SH3BGRL: variants seen among roughly 807,000 people sequenced by gnomAD.
SH3BGRL encodes the protein SH3 domain binding glutamate rich protein like, also known as adapter SH3BGRL.
In SH3BGRL, 7 loss-of-function variants were observed where a neutral mutation model predicts 9.8. That is an observed-to-expected ratio of 0.72 (90% CI 0.41 to 1.35). The LOEUF (loss-of-function observed/expected upper bound fraction) is 1.35. Among genes scored for constraint, SH3BGRL ranks in the 40% most tolerant of loss-of-function variants. SH3BGRL has a pLI of 0.01. For missense variants in SH3BGRL, 73 were observed against 84.4 expected, an observed-to-expected ratio of 0.86 and a Z score of 0.53; for synonymous variants, 36 against 29.1, an observed-to-expected ratio of 1.24 and a Z score of -0.76.
chrX:81,243,276 A>G (rs765347404), intron 1 of SH3BGRL, among the ~76,000 whole-genome samples: 2 of 112,474 alleles, frequency 1.8e-5, no homozygotes, highest in East Asian at 5.6e-4. Flanking sequence ...AGTGAAATAA[A>G]TCAGGCGCAA....
intron 3 of SH3BGRL, among the ~76,000 whole-genome samples, chrX:81,285,288 A>G (rs1451710269): frequency 1.8e-5 from 2 of 111,927 alleles, no homozygotes; most frequent in Non-Finnish European, 3.8e-5. Context: ...AAAATGAGAT[A>G]AAATGTTTAG....
At chrX:81,284,746 G>C (rs747533930) in intron 3 of SH3BGRL, among the ~76,000 whole-genome samples, 29 of 110,889 alleles carry the variant, frequency 2.6e-4, no homozygotes, top group Admixed American at 7.7e-4. Context: ...TCCCTGAGGA[G>C]AATTGAACAG....
At chrX:81,286,932 ATTTACTG>A in intron 3 of SH3BGRL, among the ~76,000 whole-genome samples, 1 of 111,496 alleles carries the variant, frequency 9.0e-6, no homozygotes, top group East Asian at 2.8e-4. Flanking sequence ...AAGGTAAATA[ATTTACTG>A]TAACTTTGAT....
At chrX:81,246,530 G>A (rs1448034464) in intron 1 of SH3BGRL, among the ~76,000 whole-genome samples, 1 of 111,842 alleles carries the variant, frequency 8.9e-6, no homozygotes, top group Non-Finnish European at 1.9e-5. Context: ...CATATGGGTA[G>A]CCAGTTATCC....
At chrX:81,261,754 C>T (rs1011660894) in intron 1 of SH3BGRL, among the ~76,000 whole-genome samples, 12 of 111,060 alleles carry the variant, frequency 1.1e-4, no homozygotes, top group East Asian at 2.8e-4. Context: ...TGTGTGCAAA[C>T]GGTAACTATG....
chrX:81,287,708 G>A lies in SH3BGRL; in HGVS notation c.312+9297G>A, dbSNP rs143671017. Among the ~76,000 whole-genome samples the A allele has an allele frequency of 7.3e-3, 807 of 110,099 alleles. 5 individuals carry two copies. The highest frequency in any genetic ancestry group is 0.021 in the African/African-American group (636 of 30,268). ...AGGAGAAATACTTAATATAGGTGACGGGTTGACGGGTGCAGCAGACCACCA... is the reference window on the plus strand; with the variant it reads ...AGGAGAAATACTTAATATAGGTGACAGGTTGACGGGTGCAGCAGACCACCA... On this transcript the variant is annotated intron_variant, in intron 3 of 3. Transcript: ENST00000373212.
At chrX:81,261,314 A>G (rs748002773) in intron 1 of SH3BGRL, among the ~76,000 whole-genome samples, 16 of 111,632 alleles carry the variant, frequency 1.4e-4, no homozygotes, top group African/African-American at 1.9e-4. Flanking sequence ...ATAACTATTC[A>G]ATGAAATAAT....
intron 1 of SH3BGRL, among the ~76,000 whole-genome samples, chrX:81,222,347 G>A (rs1282731660): frequency 5.7e-5 from 4 of 70,187 alleles, no homozygotes; most frequent in Non-Finnish European, 7.5e-5. Context: ...AACAGGCCCC[G>A]GTGTGTGATG....
At chrX:81,281,590 G>A (rs1221141345) in intron 3 of SH3BGRL, among the ~76,000 whole-genome samples, 1 of 112,173 alleles carries the variant, frequency 8.9e-6, no homozygotes, top group Non-Finnish European at 1.9e-5. Context: ...ATGAAGGAAA[G>A]ATTCAGCTCT....
intron 3 of SH3BGRL, among the ~76,000 whole-genome samples, chrX:81,286,720 C>T (rs1313357757): frequency 1.8e-5 from 2 of 109,826 alleles, no homozygotes; most frequent in Non-Finnish European, 3.8e-5. Flanking sequence ...AAATTTTAGC[C>T]CAGGATTATC....
intron 1 of SH3BGRL, among the ~76,000 whole-genome samples, chrX:81,205,504 G>GTA (rs34834268): frequency 0.15 from 12,613 of 84,829 alleles, 777 homozygotes; most frequent in East Asian, 0.2. Context: ...GTGTGTGTGT[G>GTA]TATATATATA....
At chrX:81,257,017 C>T (rs1200894407) in intron 1 of SH3BGRL, among the ~76,000 whole-genome samples, 1 of 111,169 alleles carries the variant, frequency 9.0e-6, no homozygotes, top group Admixed American at 9.6e-5. Flanking sequence ...AGCTACCAAT[C>T]CTTGAGTACT....
Position 81,202,235 on chromosome X carries a change from G to A in SH3BGRL, c.35G>A (p.Gly12Asp). 1 of 1,206,758 alleles carries A rather than the reference G, an allele frequency of 8.3e-7. No homozygotes were observed. The highest frequency in any genetic ancestry group is 1.1e-6 in the Non-Finnish European group (1 of 892,767). Residue 12 changes from glycine to aspartate, a missense_variant, in exon 1 of 4, where the codon GGC (glycine) becomes GAC (aspartate). Transcript: ENST00000373212. ...CGTGTATATATTGCATCTTCCTCTGGCTCTACAGCGGTAAGGAGAGTGGGG... is the reference window on the plus strand; with the variant it reads ...CGTGTATATATTGCATCTTCCTCTGACTCTACAGCGGTAAGGAGAGTGGGG... ...VIRVYIASSS[G>D]STAIKKKQQD...
chrX:81,294,195 A>G (rs1208982472), intron 3 of SH3BGRL, among the ~76,000 whole-genome samples: 2 of 111,708 alleles, frequency 1.8e-5, no homozygotes, highest in Non-Finnish European at 3.8e-5. Flanking sequence ...ATGAGGAGCC[A>G]ATTATTAATC....
At chrX:81,278,651 G>A (rs192304836) in intron 3 of SH3BGRL, among the ~76,000 whole-genome samples, 1 of 111,723 alleles carries the variant, frequency 9.0e-6, no homozygotes, top group African/African-American at 3.3e-5. Flanking sequence ...GCTGCCCATG[G>A]GAGCAAATTT....
intron 1 of SH3BGRL, among the ~76,000 whole-genome samples, chrX:81,226,752 G>A (rs1806882864): frequency 9.1e-6 from 1 of 109,349 alleles, no homozygotes. Context: ...AGGTTGGAGT[G>A]ATGTGAGGAA....
At chrX:81,241,988 G>A (rs1366525689) in intron 1 of SH3BGRL, among the ~76,000 whole-genome samples, 1 of 112,269 alleles carries the variant, frequency 8.9e-6, no homozygotes, top group Non-Finnish European at 1.9e-5. Context: ...TCACTTCTCT[G>A]CCCTGGCTTG....
At chrX:81,292,409 G>A (rs1438422527) in intron 3 of SH3BGRL, among the ~76,000 whole-genome samples, 1 of 111,409 alleles carries the variant, frequency 9.0e-6, no homozygotes, top group African/African-American at 3.3e-5. Flanking sequence ...TGGAACATGA[G>A]TTGCCATATC....
intron 3 of SH3BGRL, among the ~76,000 whole-genome samples, chrX:81,289,178 A>G (rs1043423637): frequency 7.1e-5 from 8 of 112,288 alleles, no homozygotes; most frequent in Non-Finnish European, 3.8e-5. Context: ...ACTGGGGAAA[A>G]GAGAGTCACT....
Sources: allele counts gnomAD v4.1 joint callset (sites outside exome capture counted in the v4.1 genomes callset), GRCh38; gene constraint gnomAD v4.1.1; transcripts MANE v1.5; gene names NCBI Gene and HGNC (gene_info 2026-07-23, HGNC 2026-07-21).